Variants in CDH12 observed in about 807,000 individuals in gnomAD.
The protein encoded by CDH12 is cadherin 12.
A neutral mutation model predicts 74.1 loss-of-function variants in CDH12; 41 were observed. That is an observed-to-expected ratio of 0.55 (90% CI 0.43 to 0.72). The LOEUF is 0.72. Among genes scored for constraint, CDH12 ranks in the 30% least tolerant of loss-of-function variants. The pLI is 0.00. For missense variants in CDH12, 945 were observed against 977.2 expected (o/e 0.97, Z 0.44); for synonymous variants, 399 against 355.0 (o/e 1.12, Z -1.39).
chr5:22,655,900 T>C (rs1740009438), intron 1 of CDH12, among the ~76,000 whole-genome samples: 1 of 152,178 alleles, frequency 6.6e-6, no homozygotes, highest in Non-Finnish European at 1.5e-5. Context: ...ATACAGAACA[T>C]TATAGTGATG....
intron 1 of CDH12, among the ~76,000 whole-genome samples, chr5:22,811,910 C>A (rs954735153): frequency 1.3e-5 from 2 of 152,022 alleles, no homozygotes; most frequent in South Asian, 2.1e-4. Flanking sequence ...ATGAAAAGAT[C>A]GAAGTTAGAG....
intron 4 of CDH12, among the ~76,000 whole-genome samples, chr5:22,121,622 T>C (rs1311442768): frequency 6.6e-6 from 1 of 152,192 alleles, no homozygotes; most frequent in African/African-American, 2.4e-5. Context: ...TTGTCTATAA[T>C]GTCCTCATTG....
At chr5:22,129,415 C>T (rs1453496900) in intron 4 of CDH12, among the ~76,000 whole-genome samples, 1 of 152,078 alleles carries the variant, frequency 6.6e-6, no homozygotes, top group Non-Finnish European at 1.5e-5. Flanking sequence ...TACAGTTATG[C>T]TTAATATTGT....
At chr5:21,894,109 C>A (rs113168946) in intron 6 of CDH12, among the ~76,000 whole-genome samples, 2 of 151,968 alleles carry the variant, frequency 1.3e-5, no homozygotes, top group Non-Finnish European at 2.9e-5. Flanking sequence ...CTGGGCAGAG[C>A]GGTTCATGCC....
At chr5:21,834,544 T>G (rs1482190060) in intron 8 of CDH12, among the ~76,000 whole-genome samples, 1 of 151,876 alleles carries the variant, frequency 6.6e-6, no homozygotes, top group African/African-American at 2.4e-5. Flanking sequence ...CTGTTGGAAA[T>G]TACTTAAACA....
intron 4 of CDH12, among the ~76,000 whole-genome samples, chr5:22,112,251 T>C (rs1290819772): frequency 6.6e-6 from 1 of 152,204 alleles, no homozygotes; most frequent in African/African-American, 2.4e-5. Flanking sequence ...TGGGATGCTT[T>C]TTCCCTAGGA....
chr5:22,105,154 C>G (rs557922477), intron 4 of CDH12, among the ~76,000 whole-genome samples: 1 of 151,842 alleles, frequency 6.6e-6, no homozygotes, highest in Non-Finnish European at 1.5e-5. Flanking sequence ...TGCAGTGGTA[C>G]GATCTCAGCT....
At chr5:22,248,052 T>C (rs979879599) in intron 3 of CDH12, among the ~76,000 whole-genome samples, 3 of 152,198 alleles carry the variant, frequency 2.0e-5, no homozygotes, top group African/African-American at 7.2e-5. Flanking sequence ...ATCCAAGCAC[T>C]TTGGGAGGCC....
intron 1 of CDH12, among the ~76,000 whole-genome samples, chr5:22,730,569 G>C (rs1308493190): frequency 6.6e-6 from 1 of 151,698 alleles, no homozygotes; most frequent in African/African-American, 2.4e-5. Context: ...CACACCTTCT[G>C]TCAAAGAACA....
intron 5 of CDH12, among the ~76,000 whole-genome samples, chr5:21,984,906 T>C (rs545389731): frequency 3.8e-4 from 58 of 152,258 alleles, no homozygotes; most frequent in Non-Finnish European, 7.1e-4. Context: ...ACACAATATT[T>C]CAGCACCAGT....
intron 6 of CDH12, among the ~76,000 whole-genome samples, chr5:21,933,068 GTACAT>G (rs1328480542): frequency 6.6e-6 from 1 of 151,512 alleles, no homozygotes; most frequent in Non-Finnish European, 1.5e-5. Context: ...TATTCATTAA[GTACAT>G]TATCTCATAC....
intron 4 of CDH12, among the ~76,000 whole-genome samples, chr5:22,102,034 C>T (rs1314184742): frequency 6.6e-6 from 1 of 152,098 alleles, no homozygotes; most frequent in African/African-American, 2.4e-5. Flanking sequence ...AGATTGCTGA[C>T]CTCTAAAATC....
intron 3 of CDH12, among the ~76,000 whole-genome samples, chr5:22,351,087 A>G (rs999555639): frequency 1.3e-5 from 2 of 152,180 alleles, no homozygotes; most frequent in Non-Finnish European, 2.9e-5. Flanking sequence ...ACACACTGGT[A>G]TATGATGTCT....
intron 1 of CDH12, among the ~76,000 whole-genome samples, chr5:22,660,526 C>T (rs1740292828): frequency 1.3e-5 from 2 of 152,212 alleles, no homozygotes; most frequent in Non-Finnish European, 2.9e-5. Flanking sequence ...ATCCTCTCGT[C>T]TCAGCCCCCG....
chr5:22,726,433 A>G (rs1421319108), intron 1 of CDH12, among the ~76,000 whole-genome samples: 1 of 151,676 alleles, frequency 6.6e-6, no homozygotes, highest in East Asian at 1.9e-4. Flanking sequence ...TTATCTATTC[A>G]TTCACCTACT....
intron 1 of CDH12, among the ~76,000 whole-genome samples, chr5:22,569,106 C>T (rs1017628131): frequency 2.0e-5 from 3 of 152,118 alleles, no homozygotes; most frequent in Non-Finnish European, 1.5e-5. Flanking sequence ...GCATTTGATC[C>T]ACAGTAGAAC....
intron 5 of CDH12, among the ~76,000 whole-genome samples, chr5:21,986,217 T>C (rs923709324): frequency 7.9e-5 from 12 of 152,120 alleles, no homozygotes; most frequent in African/African-American, 2.9e-4. Context: ...AAAAAGAATA[T>C]TTGCAATGCT....
chr5:22,538,992 C>T (rs1408419877), intron 1 of CDH12, among the ~76,000 whole-genome samples: 1 of 152,276 alleles, frequency 6.6e-6, no homozygotes, highest in Middle Eastern at 3.4e-3. Context: ...AACTCCTGGG[C>T]TCAAGTGATC....
chr5:21,795,659 T>G (rs914895186), intron 10 of CDH12, among the ~76,000 whole-genome samples: 1 of 151,978 alleles, frequency 6.6e-6, no homozygotes, highest in Non-Finnish European at 1.5e-5. Context: ...AAAAATCTTG[T>G]GAGGTAGATG....
Sources: gnomAD v4.1 joint callset for allele counts (sites outside exome capture counted in the v4.1 genomes callset) on GRCh38, gnomAD v4.1.1 for gene constraint, MANE v1.5 for transcripts, NCBI Gene and HGNC (gene_info 2026-07-23, HGNC 2026-07-21) for gene names.